CNTLN: variants seen among roughly 807,000 people sequenced by gnomAD.
The protein encoded by CNTLN is centlein.
In CNTLN, 212 loss-of-function variants were observed where a neutral mutation model predicts 180.0. The ratio of observed to expected loss-of-function variants is 1.18; its 90% CI spans 1.05 to 1.32. CNTLN has a LOEUF of 1.32. CNTLN is among the 40% of genes most tolerant of loss of function. The probability of loss-of-function intolerance (pLI) is 0.00; values close to 1 mark genes in which losing one functional copy is unlikely to be tolerated. For synonymous variants in CNTLN, 722 were observed against 563.1 expected (o/e 1.28, Z -3.99); for missense variants, 2,095 against 1,610.9 (o/e 1.30, Z -5.14).
intron 2 of CNTLN, among the ~76,000 whole-genome samples, chr9:17,176,124 A>G (rs1285248774): frequency 6.6e-6 from 1 of 151,680 alleles, no homozygotes; most frequent in Admixed American, 6.6e-5. Context: ...TGTTGGCTAT[A>G]TTTTCCAGTA....
chr9:17,474,697 C>T (rs549447893), intron 23 of CNTLN, among the ~76,000 whole-genome samples: 2 of 152,036 alleles, frequency 1.3e-5, no homozygotes, highest in African/African-American at 2.4e-5. Flanking sequence ...GGTGAAACCC[C>T]GTCTCTACTA....
intron 13 of CNTLN, among the ~76,000 whole-genome samples, chr9:17,372,717 G>GA (rs959895091): frequency 5.9e-5 from 9 of 151,992 alleles, no homozygotes; most frequent in Non-Finnish European, 1.0e-4. Context: ...CATTGATGCA[G>GA]AAAAAACCTC....
At chr9:17,450,558 C>T (rs1588025998) in intron 18 of CNTLN, among the ~76,000 whole-genome samples, 1 of 152,086 alleles carries the variant, frequency 6.6e-6, no homozygotes, top group South Asian at 2.1e-4. Context: ...AATAGTGTTG[C>T]TGGAATAAAA....
At chr9:17,340,626 T>G (rs1397834561) in intron 10 of CNTLN, among the ~76,000 whole-genome samples, 1 of 152,186 alleles carries the variant, frequency 6.6e-6, no homozygotes, top group African/African-American at 2.4e-5. Flanking sequence ...AAAAATGCAT[T>G]GACTGAGTTG....
intron 2 of CNTLN, among the ~76,000 whole-genome samples, chr9:17,180,840 T>C (rs1421382328): frequency 1.3e-5 from 2 of 152,176 alleles, no homozygotes; most frequent in Non-Finnish European, 2.9e-5. Context: ...CGTTGATTCT[T>C]TTCTTTTCTT....
chr9:17,197,442 C>T (rs540980116), intron 2 of CNTLN, among the ~76,000 whole-genome samples: 7 of 152,182 alleles, frequency 4.6e-5, no homozygotes, highest in East Asian at 1.9e-4. Flanking sequence ...TTCTAGGGTA[C>T]ATGTGCACAG....
intron 13 of CNTLN, among the ~76,000 whole-genome samples, chr9:17,380,815 T>G (rs891826474): frequency 2.6e-5 from 4 of 152,216 alleles, no homozygotes; most frequent in Non-Finnish European, 4.4e-5. Flanking sequence ...TTATTGCATA[T>G]AGGTCTGTGT....
chr9:17,273,598 A>T, intron 5 of CNTLN, 135 bp from the exon 6 acceptor site: 1 of 485,134 alleles, frequency 2.1e-6, no homozygotes, highest in Non-Finnish European at 3.4e-6. Flanking sequence ...TGTTTGTGTT[A>T]AAATTATTTT....
chr9:17,468,508 G>T (rs910457607), intron 23 of CNTLN, among the ~76,000 whole-genome samples: 3 of 151,438 alleles, frequency 2.0e-5, no homozygotes, highest in African/African-American at 7.3e-5. Flanking sequence ...CATTTTGTTT[G>T]TGGAGCTTTT....
At chr9:17,406,646 C>A (rs1827417472) in intron 15 of CNTLN, among the ~76,000 whole-genome samples, 1 of 151,694 alleles carries the variant, frequency 6.6e-6, no homozygotes, top group Non-Finnish European at 1.5e-5. Flanking sequence ...CATACTATAT[C>A]ATATTTCAGA....
chr9:17,495,923 C>A (rs1415114614), intron 25 of CNTLN, among the ~76,000 whole-genome samples: 2 of 152,100 alleles, frequency 1.3e-5, no homozygotes, highest in Non-Finnish European at 2.9e-5. Flanking sequence ...CAGTAACATG[C>A]AGTAACAGGT....
intron 2 of CNTLN, among the ~76,000 whole-genome samples, chr9:17,207,636 C>T (rs1222218599): frequency 6.6e-6 from 1 of 152,096 alleles, no homozygotes; most frequent in Non-Finnish European, 1.5e-5. Context: ...AACGGTACCC[C>T]ACCCTGCTTC....
Position 17,144,813 on chromosome 9 carries a change from A to T in CNTLN, c.449+1437A>T, listed in dbSNP as rs531327355. 6.6e-5 allele frequency among the ~76,000 whole-genome samples: 10 copies of T among 150,768 alleles called. No homozygotes were observed. In the East Asian group the frequency reaches 1.7e-3, roughly 26 times the overall value. On this transcript the variant is annotated intron_variant, in intron 2 of 25. Coordinates refer to ENST00000380647, the MANE Select transcript of CNTLN (RefSeq NM_017738.4). Reference sequence around the variant, plus strand: ...CAAGTTATACTTGGAGAATTTATTTATTTATTTTATTTTATTTTTTTTATT... The same window carrying T: ...CAAGTTATACTTGGAGAATTTATTTTTTTATTTTATTTTATTTTTTTTATT...
intron 25 of CNTLN, among the ~76,000 whole-genome samples, chr9:17,488,570 G>A (rs2134341131): frequency 6.6e-6 from 1 of 152,098 alleles, no homozygotes; most frequent in African/African-American, 2.4e-5. Context: ...GTAAAGCTTT[G>A]TTAAATTTTA....
At chr9:17,190,990 T>G (rs1392059729) in intron 2 of CNTLN, among the ~76,000 whole-genome samples, 1 of 152,208 alleles carries the variant, frequency 6.6e-6, no homozygotes, top group Non-Finnish European at 1.5e-5. Context: ...ATAATGCCCT[T>G]ACTACCTCTC....
intron 18 of CNTLN, among the ~76,000 whole-genome samples, chr9:17,417,580 G>A (rs138574039): frequency 3.9e-4 from 59 of 152,028 alleles, no homozygotes; most frequent in African/African-American, 1.4e-3. Flanking sequence ...TTCTGATATT[G>A]TCAGAGGAAA....
At chr9:17,285,049 A>C (rs1828896829) in intron 6 of CNTLN, among the ~76,000 whole-genome samples, 2 of 149,642 alleles carry the variant, frequency 1.3e-5, no homozygotes, top group African/African-American at 4.9e-5. Context: ...ACATGTGCAC[A>C]TTGTGCAGGT....
intron 6 of CNTLN, among the ~76,000 whole-genome samples, chr9:17,285,132 C>A (rs1828901434): frequency 6.7e-6 from 1 of 148,350 alleles, no homozygotes. Flanking sequence ...TTAGGTGTAT[C>A]TCCCAATGCT....
chr9:17,385,297 T>G (rs921880669), intron 13 of CNTLN, among the ~76,000 whole-genome samples: 1 of 152,148 alleles, frequency 6.6e-6, no homozygotes, highest in Admixed American at 6.5e-5. Flanking sequence ...CATCATTGAT[T>G]CAATCATTGG....
Sources: gnomAD v4.1 joint callset for allele counts (sites outside exome capture counted in the v4.1 genomes callset) on GRCh38, gnomAD v4.1.1 for gene constraint, MANE v1.5 for transcripts, NCBI Gene and HGNC (gene_info 2026-07-23, HGNC 2026-07-21) for gene names.